The following CCDC80 variants were observed in gnomAD, a reference collection of about 807,000 sequenced individuals.
The protein encoded by CCDC80 is coiled-coil domain containing 80.
A neutral mutation model predicts 78.7 loss-of-function variants in CCDC80; 49 were observed. That is an observed-to-expected ratio of 0.62 (90% CI 0.50 to 0.79). The LOEUF (loss-of-function observed/expected upper bound fraction) is 0.79. Ranked by LOEUF, CCDC80 falls within the 30% of genes least tolerant of loss-of-function variation. The probability of loss-of-function intolerance (pLI) is 0.00; values close to 1 mark genes in which losing one functional copy is unlikely to be tolerated. For missense variants in CCDC80, 1,205 were observed against 1,198.6 expected, an observed-to-expected ratio of 1.01 and a Z score of -0.08; for synonymous variants, 488 against 447.0, an observed-to-expected ratio of 1.09 and a Z score of -1.16.
At chr3:112,635,801 G>A (rs1936195724) in intron 2 of CCDC80, among the ~76,000 whole-genome samples, 2 of 152,204 alleles carry the variant, frequency 1.3e-5, no homozygotes, top group Admixed American at 1.3e-4. Flanking sequence ...CATGACATCA[G>A]CAGAAGCTGT....
chr3:112,630,538 C>T (rs1420753038), intron 2 of CCDC80, among the ~76,000 whole-genome samples: 5 of 152,172 alleles, frequency 3.3e-5, no homozygotes, highest in Non-Finnish European at 7.3e-5. Context: ...TATTTGTGAA[C>T]TCTGCAAAGG....
At chr3:112,616,434 G>GAAAAAAAAAAAAAAA (rs138795484) in intron 5 of CCDC80, among the ~76,000 whole-genome samples, 1 of 35,940 alleles carries the variant, frequency 2.8e-5, no homozygotes, top group Admixed American at 3.1e-4. Flanking sequence ...CAAAGAAAGA[G>GAAAAAAAAAAAAAAA]AAAAAAAAAG....
At chr3:112,622,648 T>TA (rs1296279346) in intron 3 of CCDC80, among the ~76,000 whole-genome samples, 1 of 151,842 alleles carries the variant, frequency 6.6e-6, no homozygotes, top group Non-Finnish European at 1.5e-5. Flanking sequence ...ATTCTTTTTT[T>TA]AAAAAAAATT....
chr3:112,609,865 A>G (rs1935589189), intron 6 of CCDC80, 113 bp downstream of exon 6: 1 of 757,470 alleles, frequency 1.3e-6, no homozygotes, highest in East Asian at 2.5e-5. Flanking sequence ...TGGAAACCTG[A>G]ACAGTCTGAA....
rs943955181 is a variant in CCDC80 at position 112,601,018 on chromosome 3, TGAG to T, written c.*4396_*4398del. The T allele has an allele frequency of 5.3e-5, 8 of 152,024 alleles. No homozygotes were observed. Among genetic ancestry groups the T allele is most frequent in the African/African-American group, 1.9e-4 (8 of 41,356 alleles). The allele number at this position is 152,024 out of a possible 1,614,324, so 9.4% of individuals were successfully genotyped here. A position where few individuals can be genotyped will look rare whatever the true frequency, so the allele number is the denominator to read the frequency against. On this transcript the variant is annotated 3_prime_UTR_variant, in exon 8 of 8. Transcript: ENST00000206423. ...CTTGTACAGACTATCCAAGAAAAAA[TGAG>T]GAGGAAAGTGCTCCATCAAGGAAGA...
At chr3:112,610,447 A>G (rs1281400042) in intron 5 of CCDC80, among the ~76,000 whole-genome samples, 1 of 152,246 alleles carries the variant, frequency 6.6e-6, no homozygotes, top group Non-Finnish European at 1.5e-5. Context: ...AGGACAACTG[A>G]AGAGAACTCG....
intron 3 of CCDC80, among the ~76,000 whole-genome samples, chr3:112,627,729 C>T (rs1936005024): frequency 6.6e-6 from 1 of 152,056 alleles, no homozygotes; most frequent in South Asian, 2.1e-4. Context: ...TAAACTGGGA[C>T]ATGACACAAG....
At chr3:112,616,161 G>A (rs111802047) in intron 5 of CCDC80, among the ~76,000 whole-genome samples, 1 of 152,102 alleles carries the variant, frequency 6.6e-6, no homozygotes, top group African/African-American at 2.4e-5. Flanking sequence ...CCACAAGATG[G>A]CCTTCAATAA....
At chr3:112,608,973 GCA>G (rs1403801409) in intron 6 of CCDC80, among the ~76,000 whole-genome samples, 1 of 152,108 alleles carries the variant, frequency 6.6e-6, no homozygotes, top group Non-Finnish European at 1.5e-5. Context: ...AACAAATCAA[GCA>G]CAGTTTTGTA....
At chr3:112,626,643 G>T (rs1935981347) in intron 3 of CCDC80, among the ~76,000 whole-genome samples, 1 of 152,138 alleles carries the variant, frequency 6.6e-6, no homozygotes. Context: ...TGCCTCCCAG[G>T]TTCAAGAAAT....
intron 5 of CCDC80, among the ~76,000 whole-genome samples, chr3:112,611,898 C>T (rs1935636279): frequency 6.6e-6 from 1 of 152,024 alleles, no homozygotes; most frequent in Non-Finnish European, 1.5e-5. Context: ...TTTTCAACCC[C>T]AAAGAAAATG....
chr3:112,606,321 T>C (rs1405749233), intron 7 of CCDC80, among the ~76,000 whole-genome samples: 1 of 152,282 alleles, frequency 6.6e-6, no homozygotes, highest in African/African-American at 2.4e-5. Flanking sequence ...CCAAGTATTT[T>C]ACACACATTA....
chr3:112,635,521 C>T (rs192949690), intron 2 of CCDC80, among the ~76,000 whole-genome samples: 2 of 152,320 alleles, frequency 1.3e-5, no homozygotes, highest in East Asian at 3.9e-4. Flanking sequence ...CCATTGGTCT[C>T]CTCTCTGGCG....
At chr3:112,628,329 T>C (rs1936022831) in intron 3 of CCDC80, among the ~76,000 whole-genome samples, 1 of 152,198 alleles carries the variant, frequency 6.6e-6, no homozygotes, top group African/African-American at 2.4e-5. Flanking sequence ...CAGCCTGATC[T>C]GGATGAGCTG....
rs1935373160 is a variant in CCDC80 at position 112,601,486 on chromosome 3, A to G, written c.*3931T>C. The G allele has an allele frequency of 6.6e-6, 1 of 152,160 alleles. No individual in the cohort carries two copies. Among genetic ancestry groups the G allele is most frequent in the African/African-American group, 2.4e-5 (1 of 41,408 alleles). 9.4% of individuals were successfully genotyped at this position (152,160 alleles called of 1,614,324 possible). A position where few individuals can be genotyped will look rare whatever the true frequency, so the allele number is the denominator to read the frequency against. The stretch of plus-strand genomic sequence containing the variant: ...CTCATAAATATTACTTGACAATATT[A>G]CTTGATAAATATTTGTTGAAAAAAG... On this transcript the variant is annotated 3_prime_UTR_variant, in exon 8 of 8. Transcript: ENST00000206423.
chr3:112,625,832 T>C (rs1935958598), intron 3 of CCDC80, among the ~76,000 whole-genome samples: 1 of 152,148 alleles, frequency 6.6e-6, no homozygotes, highest in Non-Finnish European at 1.5e-5. Flanking sequence ...CCTTTTTATA[T>C]AGCTTTGACT....
At chr3:112,610,956 C>T (rs1188075054) in intron 5 of CCDC80, among the ~76,000 whole-genome samples, 1 of 147,468 alleles carries the variant, frequency 6.8e-6, no homozygotes, top group African/African-American at 2.5e-5. Context: ...ACTCTGTCAC[C>T]AGGCTGGAGT....
chr3:112,616,746 T>C lies in CCDC80; in HGVS notation c.2285A>G (p.Glu762Gly). 6.2e-7 allele frequency: 1 copy of C among 1,614,198 alleles called. No homozygotes were observed. Among genetic ancestry groups the C allele is most frequent in the Non-Finnish European group, 8.5e-7 (1 of 1,180,014 alleles). ...KQKKEGIVCK[E>G]DKKQSLENFL... ...GTTCTCCAGGGACTGCTTTTTGTCC[T>C]CTTTGCAAACAATGCCCTCCTTCTT... Residue 762 changes from glutamate (E) to glycine (G), a missense_variant, in exon 5 of 8, where the codon GAG becomes GGG. Coordinates refer to ENST00000206423, the MANE Select transcript of CCDC80 (RefSeq NM_199511.3).
chr3:112,614,464 G>A (rs79537501), intron 5 of CCDC80, among the ~76,000 whole-genome samples: 1,805 of 151,888 alleles, frequency 0.012, 35 homozygotes, highest in African/African-American at 0.04. Context: ...TTCAATTATC[G>A]TCATCTGGAG....
Sources: allele counts gnomAD v4.1 joint callset (sites outside exome capture counted in the v4.1 genomes callset), GRCh38; gene constraint gnomAD v4.1.1; transcripts MANE v1.5; gene names NCBI Gene and HGNC (gene_info 2026-07-23, HGNC 2026-07-21).